MAP4K4: variants seen among roughly 807,000 people sequenced by gnomAD.
The protein encoded by MAP4K4 is mitogen-activated protein kinase kinase kinase kinase 4.
In MAP4K4, 38 loss-of-function variants were observed where a neutral mutation model predicts 189.6. That is an observed-to-expected ratio of 0.20 (90% CI 0.15 to 0.26). The LOEUF (loss-of-function observed/expected upper bound fraction) is 0.26. MAP4K4 is among the 10% of genes least tolerant of loss of function. The pLI is 1.00. For missense variants in MAP4K4, 1,054 were observed against 1,726.9 expected, an observed-to-expected ratio of 0.61 and a Z score of 6.91; for synonymous variants, 610 against 624.3, an observed-to-expected ratio of 0.98 and a Z score of 0.34.
chr2:101,873,692 T>C lies in MAP4K4; in HGVS notation c.2998T>C (p.Ser1000Pro), dbSNP rs1465397329. 15 of 1,613,096 alleles carry C rather than the reference T, an allele frequency of 9.3e-6. No homozygotes were observed. The highest frequency in any genetic ancestry group is 1.3e-5 in the Non-Finnish European group (15 of 1,179,220). ...ACTCCAGAAACACAAATCTTCCTCC[T>C]CCTTTACACCTTTTATAGACCCCAG... The change falls in exon 25 of 33, where the codon TCC becomes CCC. Residue 1000 changes from serine to proline, a missense_variant. Ser to Pro is a moderately conservative substitution (Grantham distance 74, BLOSUM62 -1). Transcript: ENST00000324219.
At position 101,831,120 on chromosome 2, in the gene MAP4K4, C is replaced by T. The variant is rs147882557; in HGVS notation, c.509-601C>T. Among the ~76,000 whole-genome samples, 723 of 152,262 alleles carry T rather than the reference C, an allele frequency of 4.7e-3. 6 individuals are homozygous for T. The highest frequency in any genetic ancestry group is 0.017 in the African/African-American group (693 of 41,540). The stretch of plus-strand genomic sequence containing the variant: ...TGGTCTTCCTGCCAGCTCTGCCTCC[C>T]GTCCTTGAACTTTCCTCTAGACCAC... On this transcript the variant is annotated intron_variant, in intron 6 of 32. Coordinates refer to ENST00000324219, the Ensembl canonical transcript of MAP4K4.
chr2:101,752,645 A>G (rs116421171), intron 2 of MAP4K4, among the ~76,000 whole-genome samples: 24 of 152,300 alleles, frequency 1.6e-4, no homozygotes, highest in African/African-American at 5.5e-4. Context: ...GCTTTCACCT[A>G]TGAGGATGAA....
chr2:101,724,043 G>T (rs1382624082), intron 2 of MAP4K4, among the ~76,000 whole-genome samples: 5 of 152,118 alleles, frequency 3.3e-5, no homozygotes. Context: ...TTTCCCTAAG[G>T]CTTCTTAGCT....
chr2:101,850,229 T>C (rs983277045), intron 12 of MAP4K4, among the ~76,000 whole-genome samples: 1 of 151,928 alleles, frequency 6.6e-6, no homozygotes, highest in Admixed American at 6.6e-5. Flanking sequence ...TCTACAAATC[T>C]CAAAGTTAAA....
chr2:101,869,119 G>A (rs2097905983), intron 21 of MAP4K4, among the ~76,000 whole-genome samples: 1 of 151,762 alleles, frequency 6.6e-6, no homozygotes, highest in East Asian at 1.9e-4. Flanking sequence ...CCTATAACTA[G>A]TAAATAAAAA....
chr2:101,874,928 G>A (rs1185267737), intron 26 of MAP4K4, among the ~76,000 whole-genome samples: 1 of 152,116 alleles, frequency 6.6e-6, no homozygotes, highest in African/African-American at 2.4e-5. Flanking sequence ...CTTTCTCACT[G>A]TAAAATCTTG....
chr2:101,771,343 T>A (rs959042853), intron 2 of MAP4K4, among the ~76,000 whole-genome samples: 5 of 152,180 alleles, frequency 3.3e-5, no homozygotes, highest in African/African-American at 1.2e-4. Flanking sequence ...GAAATTTGCT[T>A]AGACCGCCAG....
At chr2:101,708,333 A>G (rs1203546977) in intron 2 of MAP4K4, among the ~76,000 whole-genome samples, 1 of 152,244 alleles carries the variant, frequency 6.6e-6, no homozygotes, top group Non-Finnish European at 1.5e-5. Context: ...CCAACAGAAC[A>G]ATAACAATAC....
chr2:101,866,369 A>G, intron 18 of MAP4K4, 59 bp from the exon 19 acceptor site: 1 of 1,540,472 alleles, frequency 6.5e-7, no homozygotes, highest in Non-Finnish European at 8.9e-7. Flanking sequence ...CATGTTGGTA[A>G]TTTGGTGCTG....
At chr2:101,829,664 C>T in intron 6 of MAP4K4, 70 bp downstream of exon 6, 1 of 1,057,572 alleles carries the variant, frequency 9.5e-7, no homozygotes, top group Non-Finnish European at 1.4e-6. Context: ...CCCAGTTCTG[C>T]TTCCATCTAG....
In MAP4K4 at chr2:101,761,550, CT is replaced by C. The variant is rs1006689878; in HGVS notation, c.124-29153del. ...CAGTTATGGGGAGTATGGGAGCATT[CT>C]TTTTTTTTTTTTTTTTCTTTTGAGA... On this transcript the variant is annotated intron_variant, in intron 2 of 32. Transcript: ENST00000324219. Among the ~76,000 whole-genome samples, 954 of 126,960 alleles carry C rather than the reference CT, an allele frequency of 7.5e-3. 7 individuals carry two copies. The highest frequency in any genetic ancestry group is 0.023 in the African/African-American group (789 of 35,014). The allele number at this position is 126,960 out of a possible 152,430, so 83.3% of individuals were successfully genotyped here.
exon 33 of MAP4K4, chr2:101,894,050 T>A (rs760241629): frequency 6.6e-6 from 1 of 152,284 alleles, no homozygotes; most frequent in Non-Finnish European, 1.5e-5. Flanking sequence ...CCCAGTGAAG[T>A]TTCTCCGTTA....
In MAP4K4 at chr2:101,870,429, C is replaced by T. The variant is rs778325982; in HGVS notation, c.2760+14C>T. 8 of 1,613,126 alleles carry T rather than the reference C, an allele frequency of 5.0e-6. No individual in the cohort carries two copies. In the South Asian group the frequency reaches 5.5e-5, roughly 11 times the overall value. ...ATCGTCCGCCAGGTACCCGTGTCTT[C>T]TCTGTTGTCAGAGGCTGAGCTTCTC... On this transcript the variant is annotated intron_variant, in intron 23 of 32. Coordinates refer to ENST00000324219, the Ensembl canonical transcript of MAP4K4.
intron 3 of MAP4K4, among the ~76,000 whole-genome samples, chr2:101,813,682 T>G (rs145078111): frequency 1.3e-5 from 2 of 152,336 alleles, no homozygotes; most frequent in African/African-American, 2.4e-5. Flanking sequence ...CACATTTTTA[T>G]GAGTTTCTGT....
intron 2 of MAP4K4, among the ~76,000 whole-genome samples, chr2:101,788,931 G>A (rs13425058): frequency 0.02 from 3,045 of 152,096 alleles, 113 homozygotes; most frequent in African/African-American, 0.069. Context: ...TCATAGACCC[G>A]TGGATTTTCT....
At chr2:101,800,381 A>G (rs1248976030) in intron 3 of MAP4K4, among the ~76,000 whole-genome samples, 1 of 152,208 alleles carries the variant, frequency 6.6e-6, no homozygotes, top group East Asian at 1.9e-4. Flanking sequence ...TATAGGCGTG[A>G]GGGACCACAC....
At chr2:101,811,427 C>G (rs2095422591) in intron 3 of MAP4K4, among the ~76,000 whole-genome samples, 1 of 148,426 alleles carries the variant, frequency 6.7e-6, no homozygotes, top group African/African-American at 2.5e-5. Context: ...TGTGGCTTCC[C>G]TGGCTTCATT....
At chr2:101,762,462 A>G (rs982694161) in intron 2 of MAP4K4, among the ~76,000 whole-genome samples, 2 of 152,134 alleles carry the variant, frequency 1.3e-5, no homozygotes, top group African/African-American at 4.8e-5. Flanking sequence ...TTTTCAAAGG[A>G]GGCCATTCTG....
chr2:101,765,012 A>C (rs13384313), intron 2 of MAP4K4, among the ~76,000 whole-genome samples: 14,818 of 152,234 alleles, frequency 0.097, 1,193 homozygotes, highest in African/African-American at 0.22. Flanking sequence ...AAAAAATGTT[A>C]ATCAGAATTT....
Sources: allele counts gnomAD v4.1 joint callset (sites outside exome capture counted in the v4.1 genomes callset), GRCh38; gene constraint gnomAD v4.1.1; transcripts MANE v1.5; gene names NCBI Gene and HGNC (gene_info 2026-07-23, HGNC 2026-07-21).